SFXN4: variants seen among roughly 807,000 people sequenced by gnomAD.
The protein encoded by SFXN4 is sideroflexin-4.
A neutral mutation model predicts 54.6 loss-of-function variants in SFXN4; 48 were observed. That is an observed-to-expected ratio of 0.88 (90% CI 0.70 to 1.12). SFXN4 has a LOEUF of 1.12. Among genes scored for constraint, SFXN4 ranks in the 50% most tolerant of loss-of-function variants. The probability of loss-of-function intolerance (pLI) is 0.00; values close to 1 mark genes in which losing one functional copy is unlikely to be tolerated. For missense variants in SFXN4, 383 were observed against 409.2 expected (o/e 0.94, Z 0.55); for synonymous variants, 130 against 145.5 (o/e 0.89, Z 0.77).
At chr10:119,164,999 G>A (rs781517860) in intron 1 of SFXN4, among the ~76,000 whole-genome samples, 2 of 137,674 alleles carry the variant, frequency 1.5e-5, no homozygotes, top group Non-Finnish European at 3.1e-5. Flanking sequence ...TAGGCTAAAT[G>A]TACTGTATTG....
chr10:119,163,678 AAGGCATG>A (rs1847646429), intron 2 of SFXN4, among the ~76,000 whole-genome samples: 1 of 151,852 alleles, frequency 6.6e-6, no homozygotes, highest in South Asian at 2.1e-4. Flanking sequence ...GCTGGGATTA[AAGGCATG>A]AGCCACGGCA....
At chr10:119,165,509 C>T (rs1476688038) in intron 1 of SFXN4, 28 bp downstream of exon 1, 2 of 1,551,276 alleles carry the variant, frequency 1.3e-6, no homozygotes, top group Admixed American at 1.9e-5. Flanking sequence ...CCCTCCCTGC[C>T]CCTAGTCGCG....
rs202129977 is a variant in SFXN4, at chr10:119,157,698, C to T, written c.507G>A (p.Ala169=). 5.6e-6 allele frequency: 9 copies of T among 1,608,148 alleles called. No individual in the cohort carries two copies. Among genetic ancestry groups the T allele is most frequent in the Non-Finnish European group, 5.1e-6 (6 of 1,177,848 alleles). The change falls in exon 9 of 14, where the codon GCG becomes GCA. Residue 169 remains alanine, a synonymous_variant. Coordinates refer to ENST00000355697, the MANE Select transcript of SFXN4 (RefSeq NM_213649.2). ...AGAAAGTTGAAGAAGCAACGGCTCC[C>T]GCCATTAGTAATGATCTTTCTAGTG... ...CKPLERSLLM[A]GAVASSTFLG... is the part of the protein sequence containing the mutation.
At chr10:119,165,281 T>A in intron 1 of SFXN4, 1 of 1,215,788 alleles carries the variant, frequency 8.2e-7, no homozygotes, top group Non-Finnish European at 1.0e-6. Context: ...CTGCGCGGAC[T>A]GGGCCCCTCC....
Position 119,164,181 on chromosome 10 carries a change from A to G in SFXN4, c.127T>C (p.Phe43Leu), listed in dbSNP as rs772356580. ...TCTAATAATTCTGTCCATTGAAGAA[A>G]TCGTCGAATAAAGGACTTAGGAGGG... The part of the protein sequence containing the change: ...ITERQSFIRR[F>L]LQWTELLDPT... The change falls in exon 2 of 14, where the codon TTT (phenylalanine) becomes CTT (leucine). Residue 43 changes from phenylalanine (F) to leucine (L), a missense_variant. Transcript: ENST00000355697. 1 of 1,594,170 alleles carries G rather than the reference A, an allele frequency of 6.3e-7. No individual in the cohort carries two copies. The highest frequency in any genetic ancestry group is 2.2e-5 in the East Asian group (1 of 44,628).
At chr10:119,151,047 T>C (rs1185458565) in intron 11 of SFXN4, among the ~76,000 whole-genome samples, 1 of 152,128 alleles carries the variant, frequency 6.6e-6, no homozygotes, top group Non-Finnish European at 1.5e-5. Context: ...GTATAATTTC[T>C]GGAAAAGGCA....
At chr10:119,163,644 C>G (rs111596540) in intron 2 of SFXN4, among the ~76,000 whole-genome samples, 21 of 151,832 alleles carry the variant, frequency 1.4e-4, no homozygotes, top group African/African-American at 4.3e-4. Flanking sequence ...CTCAGGTGAT[C>G]CACCCACCTC....
At chr10:119,165,301 A>G (rs1365818893) in intron 1 of SFXN4, 18 of 1,241,522 alleles carry the variant, frequency 1.4e-5, no homozygotes, top group Non-Finnish European at 1.7e-5. Flanking sequence ...CGAGAGGGCA[A>G]TCTGGAGGGT....
At chr10:119,146,436 TGTGTGTGTGTGTGTGTGTGTGTGTGCAC>T (rs796453881) in intron 12 of SFXN4, 83 bp from the exon 13 acceptor site, 5,669 of 483,580 alleles carry the variant, frequency 0.012, 40 homozygotes, top group Non-Finnish European at 0.015. Context: ...GGCGTGTGTG[TGTGTGTGTGTGTGTGTGTGTGTGTGCAC>T]GTGTGTGTGT....
At chr10:119,156,072 T>A (rs1847267663) in intron 10 of SFXN4, among the ~76,000 whole-genome samples, 1 of 152,130 alleles carries the variant, frequency 6.6e-6, no homozygotes, top group Non-Finnish European at 1.5e-5. Flanking sequence ...TTCCTACCCA[T>A]AAGTTGTTGT....
chr10:119,159,745 G>C lies in SFXN4; in HGVS notation c.343C>G (p.Pro115Ala). The part of the protein sequence containing the change: ...PKLFRPAAFL[P>A]FMAPTVFLSM... ...TTGCTCACCGTGGGTGCCATGAAAG[G>C]CAGGAACGCTGGCAGGAAGAGAAGA... Residue 115 changes from proline to alanine, a missense_variant, in exon 6 of 14, where the codon CCT (proline) becomes GCT (alanine). Transcript: ENST00000355697. 6.2e-7 allele frequency: 1 copy of C among 1,614,002 alleles called. No individual in the cohort carries two copies. The highest frequency in any genetic ancestry group is 1.1e-5 in the South Asian group (1 of 91,076).
At chr10:119,161,709 CA>C (rs1340465245) in intron 3 of SFXN4, among the ~76,000 whole-genome samples, 1 of 152,354 alleles carries the variant, frequency 6.6e-6, no homozygotes, top group East Asian at 1.9e-4. Flanking sequence ...ACTTATCCCT[CA>C]GATGAGTCCC....
In SFXN4 at chr10:119,161,064, CT is replaced by C. The variant is rs1237386243; in HGVS notation, c.269del (p.Lys90SerfsTer14). On this transcript the variant is annotated frameshift_variant, in exon 4 of 14. Coordinates refer to ENST00000355697, the MANE Select transcript of SFXN4 (RefSeq NM_213649.2). LOFTEE classifies it high-confidence loss of function. ...AGGGGCTGAAACTTACAAGACTCCG[CT>C]TCCAAGCTTCTTGTATCTTAAAGGA... ...SADQRIQEAW[K>X]RSLATVHPDS... is the part of the protein sequence containing the mutation. 6.2e-7 allele frequency: 1 copy of C among 1,613,968 alleles called. No individual in the cohort carries two copies.
rs1847345817 is a variant in SFXN4, at chr10:119,158,061, AC to A, written c.361del (p.Val121TyrfsTer5). ...TTTCAGTGGCGTCATTGACAAAAAT[AC>A]CTTTTAAGAAGACAGTGGAACAGAG... ...AAFLPFMAPT[V>X]FLSMTPLKGI... On this transcript the variant is annotated frameshift_variant and splice_region_variant, in exon 7 of 14. Transcript: ENST00000355697. LOFTEE classifies it high-confidence loss of function. The A allele has an allele frequency of 1.9e-6, 3 of 1,613,876 alleles. No individual in the cohort carries two copies. Among genetic ancestry groups the A allele is most frequent in the Non-Finnish European group, 2.5e-6 (3 of 1,179,842 alleles).
chr10:119,155,038 C>G, intron 11 of SFXN4, 24 bp downstream of exon 11: 1 of 1,550,806 alleles, frequency 6.4e-7, no homozygotes. Context: ...AGGCAAGCAG[C>G]TATAGCTTCA....
chr10:119,149,348 G>A (rs1846954275), intron 11 of SFXN4, among the ~76,000 whole-genome samples: 1 of 152,114 alleles, frequency 6.6e-6, no homozygotes, highest in Non-Finnish European at 1.5e-5. Flanking sequence ...CTCTCTGCTT[G>A]CACCTCTGCC....
intron 3 of SFXN4, chr10:119,162,069 T>A: frequency 4.3e-6 from 2 of 459,850 alleles, no homozygotes; most frequent in Non-Finnish European, 7.6e-6. Flanking sequence ...CCCACAAATA[T>A]CCACTGTGTA....
intron 13 of SFXN4, among the ~76,000 whole-genome samples, chr10:119,143,905 C>T (rs574731714): frequency 6.6e-6 from 1 of 152,180 alleles, no homozygotes; most frequent in Non-Finnish European, 1.5e-5. Flanking sequence ...CATGAGCCAC[C>T]GTGCCTGGCC....
chr10:119,155,013 T>C (rs1203345652), intron 11 of SFXN4, 49 bp downstream of exon 11: 5 of 1,291,184 alleles, frequency 3.9e-6, no homozygotes, highest in Non-Finnish European at 5.6e-6. Flanking sequence ...CAGAAAAGTC[T>C]AGTCGTTGCC....
Sources: gnomAD v4.1 joint callset for allele counts (sites outside exome capture counted in the v4.1 genomes callset) on GRCh38, gnomAD v4.1.1 for gene constraint, MANE v1.5 for transcripts, NCBI Gene and HGNC (gene_info 2026-07-23, HGNC 2026-07-21) for gene names.